The following SLC35F1 variants were observed in gnomAD, a reference collection of about 807,000 sequenced individuals.
SLC35F1 encodes chromosome 6 open reading frame 169.
A neutral mutation model predicts 48.7 loss-of-function variants in SLC35F1; 14 were observed. The observed-to-expected ratio is 0.29, with a 90% confidence interval of 0.19 to 0.45. The LOEUF (loss-of-function observed/expected upper bound fraction) is 0.45, where lower values mean the gene tolerates loss of function less well. Ranked by LOEUF, SLC35F1 falls within the 20% of genes least tolerant of loss-of-function variation. SLC35F1 has a pLI of 1.00. For synonymous variants in SLC35F1, 190 were observed against 202.2 expected, an observed-to-expected ratio of 0.94 and a Z score of 0.51; for missense variants, 404 against 500.0, an observed-to-expected ratio of 0.81 and a Z score of 1.83.
intron 1 of SLC35F1, among the ~76,000 whole-genome samples, chr6:118,026,717 A>G (rs1489726758): frequency 1.3e-5 from 2 of 152,220 alleles, no homozygotes; most frequent in Non-Finnish European, 2.9e-5. Context: ...AAGACGGTTG[A>G]GAACAAAAGT....
rs201515909 is a variant in SLC35F1, at chr6:118,272,737, G to GTGTGTATA, written c.638-2721_638-2720insGTGTATAT. On this transcript the variant is annotated intron_variant, in intron 4 of 7. Coordinates refer to ENST00000360388, the MANE Select transcript of SLC35F1 (RefSeq NM_001029858.4). The stretch of plus-strand genomic sequence containing the variant: ...TGGATTAAAAAATATATATGTGTGT[G>GTGTGTATA]TATATATATATACATATATATATAT... Among the ~76,000 whole-genome samples, 418 of 120,248 alleles carry GTGTGTATA rather than the reference G, an allele frequency of 3.5e-3. 8 individuals are homozygous for GTGTGTATA. The highest frequency in any genetic ancestry group is 0.013 in the African/African-American group (394 of 31,070). The allele number at this position is 120,248 out of a possible 152,430, so 78.9% of individuals were successfully genotyped here.
chr6:118,145,467 T>C (rs936352031), intron 1 of SLC35F1, among the ~76,000 whole-genome samples: 1 of 152,222 alleles, frequency 6.6e-6, no homozygotes, highest in South Asian at 2.1e-4. Flanking sequence ...TACCAAAATA[T>C]ACTGTAAGTA....
chr6:118,263,281 C>T (rs1350565343), intron 3 of SLC35F1, among the ~76,000 whole-genome samples: 1 of 152,126 alleles, frequency 6.6e-6, no homozygotes, highest in Non-Finnish European at 1.5e-5. Context: ...GTCTCGAACT[C>T]CTGACCTCAA....
At chr6:117,949,458 A>C (rs757248353) in intron 1 of SLC35F1, among the ~76,000 whole-genome samples, 1 of 152,032 alleles carries the variant, frequency 6.6e-6, no homozygotes, top group Non-Finnish European at 1.5e-5. Flanking sequence ...TTTTTCGAGT[A>C]GTTATTTCCC....
chr6:118,289,618 A>G (rs901330577), intron 7 of SLC35F1, among the ~76,000 whole-genome samples: 11 of 152,158 alleles, frequency 7.2e-5, no homozygotes, highest in Non-Finnish European at 1.3e-4. Context: ...GTTTTGTCAT[A>G]TGATTTATTT....
At chr6:118,286,479 G>A (rs931676705) in intron 7 of SLC35F1, among the ~76,000 whole-genome samples, 3 of 152,176 alleles carry the variant, frequency 2.0e-5, no homozygotes, top group Non-Finnish European at 2.9e-5. Context: ...CCAAGAAACC[G>A]ATGCAGAAGG....
intron 1 of SLC35F1, among the ~76,000 whole-genome samples, chr6:118,058,431 T>C (rs1391580940): frequency 6.6e-6 from 1 of 152,114 alleles, no homozygotes; most frequent in Non-Finnish European, 1.5e-5. Context: ...TTTCTCAGAG[T>C]CCCTATTTTC....
At chr6:117,969,101 G>A (rs1478299134) in intron 1 of SLC35F1, among the ~76,000 whole-genome samples, 1 of 152,138 alleles carries the variant, frequency 6.6e-6, no homozygotes, top group Admixed American at 6.5e-5. Context: ...AGTCTTGGAT[G>A]GATGTATTTC....
At chr6:118,047,647 G>T (rs144382232) in intron 1 of SLC35F1, among the ~76,000 whole-genome samples, 9 of 152,102 alleles carry the variant, frequency 5.9e-5, no homozygotes, top group Non-Finnish European at 1.3e-4. Flanking sequence ...TGTAATAACG[G>T]GAATTTACTT....
At chr6:118,026,273 C>A (rs578128134) in intron 1 of SLC35F1, among the ~76,000 whole-genome samples, 1 of 152,132 alleles carries the variant, frequency 6.6e-6, no homozygotes, top group East Asian at 1.9e-4. Flanking sequence ...ATGGCATGTG[C>A]GCAGAACACA....
chr6:117,923,552 GACAT>G (rs1775931342), intron 1 of SLC35F1, among the ~76,000 whole-genome samples: 2 of 126,224 alleles, frequency 1.6e-5, no homozygotes, highest in Admixed American at 8.0e-5. Context: ...AATGGAAATT[GACAT>G]ACATATATAC....
intron 1 of SLC35F1, among the ~76,000 whole-genome samples, chr6:118,063,051 G>T (rs1772564097): frequency 6.6e-6 from 1 of 152,112 alleles, no homozygotes; most frequent in Non-Finnish European, 1.5e-5. Context: ...AAGATTTGAT[G>T]TCATGTGGTC....
intron 2 of SLC35F1, among the ~76,000 whole-genome samples, chr6:118,185,042 A>G (rs205937): frequency 0.12 from 18,858 of 152,120 alleles, 3,272 homozygotes; most frequent in African/African-American, 0.39. Flanking sequence ...CTGATGCCAC[A>G]CTTGAAGCAC....
chr6:118,034,083 T>G (rs1772093058), intron 1 of SLC35F1, among the ~76,000 whole-genome samples: 1 of 152,206 alleles, frequency 6.6e-6, no homozygotes, highest in Admixed American at 6.5e-5. Context: ...GTAAAATGAC[T>G]TTTTAGTACT....
chr6:117,915,119 C>T (rs879384290), intron 1 of SLC35F1, among the ~76,000 whole-genome samples: 1 of 152,076 alleles, frequency 6.6e-6, no homozygotes, highest in Non-Finnish European at 1.5e-5. Context: ...TTATGCATTG[C>T]AGATGGAGAG....
Position 118,316,832 on chromosome 6 carries a change from T to G in SLC35F1, c.*2580T>G, listed in dbSNP as rs576748105. ...CAGACTTTCATGTCCCTGGGTGACC[T>G]CAATGTGTTGGTTTGTCTCCATTTA... On this transcript the variant is annotated 3_prime_UTR_variant, in exon 8 of 8. Transcript: ENST00000360388. 1 of 152,362 alleles carries G rather than the reference T, an allele frequency of 6.6e-6. No homozygotes were observed. The highest frequency in any genetic ancestry group is 2.1e-4 in the South Asian group (1 of 4,826). 9.4% of individuals were successfully genotyped at this position (152,362 alleles called of 1,614,324 possible).
At chr6:118,086,763 T>A (rs1250761150) in intron 1 of SLC35F1, among the ~76,000 whole-genome samples, 1 of 152,210 alleles carries the variant, frequency 6.6e-6, no homozygotes, top group Non-Finnish European at 1.5e-5. Context: ...TGTCAGATGC[T>A]TTTCCTTCAT....
At chr6:118,149,380 A>C (rs1774021650) in intron 1 of SLC35F1, among the ~76,000 whole-genome samples, 1 of 152,230 alleles carries the variant, frequency 6.6e-6, no homozygotes, top group African/African-American at 2.4e-5. Flanking sequence ...ATTTTTGTAC[A>C]ACACATCGCC....
chr6:118,079,137 A>C (rs1328838136), intron 1 of SLC35F1, among the ~76,000 whole-genome samples: 1 of 152,210 alleles, frequency 6.6e-6, no homozygotes, highest in African/African-American at 2.4e-5. Flanking sequence ...ACCACTGTTC[A>C]TTTCCAGAAT....
Sources: gnomAD v4.1 joint callset for allele counts (sites outside exome capture counted in the v4.1 genomes callset) on GRCh38, gnomAD v4.1.1 for gene constraint, MANE v1.5 for transcripts, NCBI Gene and HGNC (gene_info 2026-07-23, HGNC 2026-07-21) for gene names.